CRPPA: variants seen among roughly 807,000 people sequenced by gnomAD.
CRPPA encodes the protein D-ribitol-5-phosphate cytidylyltransferase.
Under a neutral mutation model 52.0 loss-of-function variants are expected in CRPPA, and 43 were observed. The ratio of observed to expected loss-of-function variants is 0.83; its 90% CI spans 0.65 to 1.07. The LOEUF is 1.07. Among genes scored for constraint, CRPPA ranks in the 50% least tolerant of loss-of-function variants. The probability of loss-of-function intolerance (pLI) is 0.00; values close to 1 mark genes in which losing one functional copy is unlikely to be tolerated. For missense variants in CRPPA, 629 were observed against 551.7 expected (o/e 1.14, Z -1.40); for synonymous variants, 250 against 203.5 (o/e 1.23, Z -1.94).
At chr7:16,311,350 C>T (rs902545603) in intron 3 of CRPPA, among the ~76,000 whole-genome samples, 2 of 152,062 alleles carry the variant, frequency 1.3e-5, no homozygotes, top group African/African-American at 4.8e-5. Flanking sequence ...TACCTCCGGC[C>T]CCCACAACCC....
chr7:16,332,967 G>A (rs929414608), intron 3 of CRPPA, among the ~76,000 whole-genome samples: 21 of 152,016 alleles, frequency 1.4e-4, no homozygotes, highest in African/African-American at 3.6e-4. Flanking sequence ...ATCAAAAGAC[G>A]GTAGGAGTAG....
intron 9 of CRPPA, among the ~76,000 whole-genome samples, chr7:16,212,872 A>T (rs1782188055): frequency 6.6e-6 from 1 of 151,934 alleles, no homozygotes. Context: ...AGAAACAATC[A>T]GTTATAATAG....
chr7:16,148,369 CAT>C (rs951556634), intron 9 of CRPPA, among the ~76,000 whole-genome samples: 2 of 152,052 alleles, frequency 1.3e-5, no homozygotes, highest in Non-Finnish European at 2.9e-5. Flanking sequence ...CAACAGCTAA[CAT>C]GTGGAAATAA....
At chr7:16,119,165 C>T (rs1782434578) in intron 9 of CRPPA, among the ~76,000 whole-genome samples, 1 of 152,096 alleles carries the variant, frequency 6.6e-6, no homozygotes, top group Non-Finnish European at 1.5e-5. Context: ...CACTTAACTG[C>T]TTGATAAGAC....
chr7:16,374,869 C>T (rs1786842171), intron 3 of CRPPA, among the ~76,000 whole-genome samples: 1 of 152,194 alleles, frequency 6.6e-6, no homozygotes, highest in African/African-American at 2.4e-5. Flanking sequence ...CCTCCCATTT[C>T]TCTACTCAAT....
chr7:16,245,618 G>A lies in CRPPA; in HGVS notation c.1119+12772C>T, dbSNP rs147041639. Among the ~76,000 whole-genome samples, 557 of 152,166 alleles carry A rather than the reference G, an allele frequency of 3.7e-3. 2 individuals are homozygous for A. The highest frequency in any genetic ancestry group is 0.013 in the African/African-American group (546 of 41,516). On this transcript the variant is annotated intron_variant, in intron 8 of 9. Coordinates refer to ENST00000407010, the MANE Select transcript of CRPPA (RefSeq NM_001101426.4). ...ATCTAGTGACACATTTTTCTATTAA[G>A]GTAATAATGCTCATAATATCACCAC...
At chr7:16,212,979 A>G (rs966905865) in intron 9 of CRPPA, among the ~76,000 whole-genome samples, 3 of 152,270 alleles carry the variant, frequency 2.0e-5, no homozygotes, top group African/African-American at 7.2e-5. Flanking sequence ...TGCTTACAGC[A>G]CTTTAGATAT....
At chr7:16,181,920 A>C (rs866997293) in intron 9 of CRPPA, among the ~76,000 whole-genome samples, 4 of 152,012 alleles carry the variant, frequency 2.6e-5, no homozygotes, top group African/African-American at 9.7e-5. Context: ...TAAGCTGTTT[A>C]ATATATAGTT....
chr7:16,182,984 G>A (rs1408058748), intron 9 of CRPPA, among the ~76,000 whole-genome samples: 6 of 151,918 alleles, frequency 3.9e-5, no homozygotes, highest in African/African-American at 1.5e-4. Flanking sequence ...AAATCACAAG[G>A]GCTGACTCAA....
At chr7:16,111,217 C>T (rs1782257286) in intron 9 of CRPPA, among the ~76,000 whole-genome samples, 1 of 151,822 alleles carries the variant, frequency 6.6e-6, no homozygotes, top group East Asian at 1.9e-4. Flanking sequence ...GCAAATTTAA[C>T]CTACAATAAG....
Position 16,342,798 on chromosome 7 carries a change from T to TAGATATATAGATATA in CRPPA, c.684+33293_684+33294insTATATCTATATATCT, listed in dbSNP as rs1491461185. On this transcript the variant is annotated intron_variant, in intron 3 of 9. Coordinates refer to ENST00000407010, the MANE Select transcript of CRPPA (RefSeq NM_001101426.4). ...AAAAAAAAAAATATATATATATATA[T>TAGATATATAGATATA]CTATATAGATATATAGATATACATA... Among the ~76,000 whole-genome samples the TAGATATATAGATATA allele has an allele frequency of 4.8e-4, 49 of 101,220 alleles. 2 individuals are homozygous for TAGATATATAGATATA. Among genetic ancestry groups the TAGATATATAGATATA allele is most frequent in the African/African-American group, 1.5e-3 (36 of 24,572 alleles). 66.4% of individuals were successfully genotyped at this position (101,220 alleles called of 152,430 possible). A position where few individuals can be genotyped will look rare whatever the true frequency, so the allele number is the denominator to read the frequency against.
chr7:16,241,353 T>G (rs1783102414), intron 8 of CRPPA, among the ~76,000 whole-genome samples: 4 of 152,186 alleles, frequency 2.6e-5, no homozygotes, highest in Admixed American at 2.0e-4. Flanking sequence ...TTCCCCCTGG[T>G]AATTTATGCT....
intron 3 of CRPPA, among the ~76,000 whole-genome samples, chr7:16,323,094 CA>C (rs1785298959): frequency 6.6e-6 from 1 of 152,096 alleles, no homozygotes; most frequent in Non-Finnish European, 1.5e-5. Context: ...ATGGAGATTA[CA>C]ACTCAAGATG....
chr7:16,361,038 A>G (rs1391267993), intron 3 of CRPPA, among the ~76,000 whole-genome samples: 2 of 152,216 alleles, frequency 1.3e-5, no homozygotes, highest in African/African-American at 2.4e-5. Context: ...CCCAATTTTA[A>G]AAGGAAAAAG....
intron 6 of CRPPA, chr7:16,269,427 C>T (rs749570828): frequency 3.9e-5 from 6 of 152,182 alleles, no homozygotes; most frequent in South Asian, 2.1e-4. Flanking sequence ...GAAGACTAAT[C>T]GTTTCAAGAC....
At chr7:16,378,804 T>A (rs529972834) in intron 2 of CRPPA, among the ~76,000 whole-genome samples, 134 of 152,322 alleles carry the variant, frequency 8.8e-4, no homozygotes, top group African/African-American at 3.0e-3. Context: ...ATTGCCATTC[T>A]AACTTGTGTG....
At chr7:16,413,483 C>A (rs1788118917) in intron 1 of CRPPA, among the ~76,000 whole-genome samples, 1 of 152,222 alleles carries the variant, frequency 6.6e-6, no homozygotes, top group South Asian at 2.1e-4. Flanking sequence ...TTTCCTTTCT[C>A]ATTCTGAATC....
chr7:16,211,487 T>C (rs1025489946), intron 9 of CRPPA, among the ~76,000 whole-genome samples: 11 of 152,202 alleles, frequency 7.2e-5, no homozygotes, highest in Admixed American at 3.3e-4. Context: ...GAAAGTTTTG[T>C]GTGTTTAGTA....
intron 4 of CRPPA, among the ~76,000 whole-genome samples, chr7:16,303,703 T>TA (rs1244961818): frequency 6.6e-6 from 1 of 152,118 alleles, no homozygotes; most frequent in African/African-American, 2.4e-5. Context: ...GATACCTATA[T>TA]AAAATGCTGG....
Sources: allele counts gnomAD v4.1 joint callset (sites outside exome capture counted in the v4.1 genomes callset), GRCh38; gene constraint gnomAD v4.1.1; transcripts MANE v1.5; gene names NCBI Gene and HGNC (gene_info 2026-07-23, HGNC 2026-07-21).